Variants in FAM53A observed in about 807,000 individuals in gnomAD.
FAM53A encodes protein FAM53A.
Under a neutral mutation model 26.6 loss-of-function variants are expected in FAM53A, and 28 were observed. The ratio of observed to expected loss-of-function variants is 1.05; its 90% CI spans 0.78 to 1.45. FAM53A has a LOEUF of 1.45. Ranked by LOEUF, FAM53A falls within the 40% of genes most tolerant of loss-of-function variation. The probability of loss-of-function intolerance (pLI) is 0.00; values close to 1 mark genes in which losing one functional copy is unlikely to be tolerated. For synonymous variants in FAM53A, 290 were observed against 253.1 expected (o/e 1.15, Z -1.38); for missense variants, 650 against 575.8 (o/e 1.13, Z -1.32).
downstream of FAM53A, among the ~76,000 whole-genome samples, chr4:1,637,668 T>C (rs1377266569): frequency 1.3e-5 from 2 of 151,086 alleles, no homozygotes; most frequent in Non-Finnish European, 3.0e-5. Flanking sequence ...GGTGGGCCAC[T>C]GCAGCAGTGC....
intron 2 of FAM53A, among the ~76,000 whole-genome samples, chr4:1,658,433 T>C (rs1170802646): frequency 1.3e-5 from 2 of 152,202 alleles, no homozygotes; most frequent in African/African-American, 4.8e-5. Flanking sequence ...CCTCACCACT[T>C]ACTTACTTTT....
At position 1,677,402 on chromosome 4, in the gene FAM53A, C is replaced by A. The variant is rs534542230; in HGVS notation, c.-165+6831G>T. On this transcript the variant is annotated intron_variant, in intron 1 of 4. Coordinates refer to ENST00000308132, the MANE Select transcript of FAM53A (RefSeq NM_001174070.3). Reference sequence around the variant, plus strand: ...GGATCTATCCTCCGCTCCTCCAACCCTTCCAATGACGTGTGTATGCTTCAC... The same window carrying A: ...GGATCTATCCTCCGCTCCTCCAACCATTCCAATGACGTGTGTATGCTTCAC... Among the ~76,000 whole-genome samples the A allele has an allele frequency of 9.8e-4, 149 of 152,332 alleles. 4 individuals are homozygous for A. The South Asian group carries it at 0.017, about 17-fold the overall frequency.
downstream of FAM53A, among the ~76,000 whole-genome samples, chr4:1,616,319 C>T (rs560952711): frequency 2.0e-5 from 3 of 152,226 alleles, no homozygotes; most frequent in African/African-American, 4.8e-5. Context: ...CAGGTCCCCA[C>T]GGCCAAGGTT....
the FAM53A span, among the ~76,000 whole-genome samples, chr4:1,607,291 T>A: frequency 6.6e-6 from 1 of 152,088 alleles, no homozygotes; most frequent in Middle Eastern, 3.4e-3. Flanking sequence ...AGTGCTGGGA[T>A]TACAGGTGTG....
chr4:1,621,691 G>A (rs1253037731), intron 1 of FAM53A, among the ~76,000 whole-genome samples: 1 of 152,246 alleles, frequency 6.6e-6, no homozygotes, highest in Non-Finnish European at 1.5e-5. Flanking sequence ...CCCCATCCAA[G>A]GCTGTCACAA....
chr4:1,579,258 C>T, the FAM53A span, among the ~76,000 whole-genome samples: 2 of 151,184 alleles, frequency 1.3e-5, no homozygotes, highest in African/African-American at 4.9e-5. Flanking sequence ...CCCCGGCCCC[C>T]GGCCCCGCCC....
chr4:1,657,919 A>G (rs1011795593), intron 2 of FAM53A, among the ~76,000 whole-genome samples: 5 of 151,186 alleles, frequency 3.3e-5, no homozygotes, highest in Admixed American at 6.6e-5. Context: ...AATTACAGGC[A>G]TGAGCCACCA....
chr4:1,655,941 G>T (rs1442556289), intron 3 of FAM53A, among the ~76,000 whole-genome samples: 2 of 152,246 alleles, frequency 1.3e-5, no homozygotes, highest in East Asian at 3.9e-4. Context: ...TTCTTAAAGG[G>T]GACACCGTGT....
Position 1,668,802 on chromosome 4 carries a change from T to G in FAM53A, c.-61A>C, listed in dbSNP as rs1714429807. On this transcript the variant is annotated 5_prime_UTR_variant, in exon 2 of 5. Coordinates refer to ENST00000308132, the MANE Select transcript of FAM53A (RefSeq NM_001174070.3). ...GCACTGGAGTCCTGGAACATCAGAC[T>G]TGCGAAGGCCCCAGCATTGCTGGGT... The G allele has an allele frequency of 1.9e-6, 3 of 1,541,130 alleles. No homozygotes were observed. Among genetic ancestry groups the G allele is most frequent in the Admixed American group, 3.4e-5 (2 of 58,966 alleles).
the FAM53A span, among the ~76,000 whole-genome samples, chr4:1,585,935 C>T: frequency 6.6e-6 from 1 of 152,082 alleles, no homozygotes; most frequent in African/African-American, 2.4e-5. Flanking sequence ...CAGGGTTTCA[C>T]CATGTTGCTT....
At chr4:1,629,379 G>C (rs755210574) in intron 1 of FAM53A, among the ~76,000 whole-genome samples, 1 of 152,210 alleles carries the variant, frequency 6.6e-6, no homozygotes, top group South Asian at 2.1e-4. Context: ...AGCTGGGCCC[G>C]CCAGGGAAAG....
At chr4:1,670,291 C>A (rs977265755) in intron 1 of FAM53A, among the ~76,000 whole-genome samples, 11 of 152,282 alleles carry the variant, frequency 7.2e-5, no homozygotes, top group African/African-American at 1.7e-4. Context: ...CAGAAACCAA[C>A]ATGCACTTCC....
chr4:1,633,399 A>C lies in FAM53A; in HGVS notation c.432-15288T>G, dbSNP rs564523817. ...AGAGACGATTTTATAATTATATGGA[A>C]AGAGAAATTGCAGGTCCACGAAGCC... is the stretch of plus-strand genomic sequence containing the variant. On this transcript the variant is annotated intron_variant, in intron 1 of 1. Coordinates refer to the FAM53A transcript ENST00000489029. 5.9e-5 allele frequency among the ~76,000 whole-genome samples: 9 copies of C among 152,326 alleles called. No homozygotes were observed. In the East Asian group the frequency reaches 1.7e-3, roughly 29 times the overall value.
At chr4:1,622,707 T>A (rs1469499210) in intron 1 of FAM53A, among the ~76,000 whole-genome samples, 1 of 152,104 alleles carries the variant, frequency 6.6e-6, no homozygotes. Flanking sequence ...ACAGCGGCTG[T>A]TTGGCTGGGC....
At chr4:1,654,277 C>T (rs115436832) in intron 4 of FAM53A, among the ~76,000 whole-genome samples, 1,637 of 152,306 alleles carry the variant, frequency 0.011, 16 homozygotes, top group Non-Finnish European at 0.015. Context: ...CGAGCGCTGC[C>T]GGGCCCCCAG....
At chr4:1,577,441 GCTACT>G in the FAM53A span, among the ~76,000 whole-genome samples, 16 of 152,200 alleles carry the variant, frequency 1.1e-4, no homozygotes, top group African/African-American at 3.6e-4. Context: ...TGGTAGGGGG[GCTACT>G]GCCTGCTGGT....
chr4:1,658,578 C>G (rs1713590404), intron 2 of FAM53A, among the ~76,000 whole-genome samples: 1 of 152,240 alleles, frequency 6.6e-6, no homozygotes, highest in Non-Finnish European at 1.5e-5. Flanking sequence ...GGGTCTCCCT[C>G]CCTGGAAGCA....
the FAM53A span, among the ~76,000 whole-genome samples, chr4:1,586,789 AAAAAAAAAAG>A: frequency 1.3e-5 from 2 of 150,872 alleles, no homozygotes; most frequent in Admixed American, 1.3e-4. Flanking sequence ...TCTCAAAAAA[AAAAAAAAAAG>A]AAGAAGAAGT....
chr4:1,655,050 G>A lies in FAM53A; in HGVS notation c.810C>T (p.Ser270=), dbSNP rs1199419418. 1.3e-6 allele frequency: 2 copies of A among 1,590,104 alleles called. No homozygotes were observed. The highest frequency in any genetic ancestry group is 1.7e-5 in the Admixed American group (1 of 57,346). The part of the protein sequence containing the change: ...SQPCVLSGKR[S]RRKRRREEDA... The stretch of plus-strand genomic sequence containing the variant: ...CCTCCTCACGCCTCCGTTTGCGCCG[G>A]CTCCTCTTCCCACTGAGCACGCAAG... The change falls in exon 4 of 5, where the codon AGC becomes AGT. Residue 270 remains serine (S), a synonymous_variant. Coordinates refer to ENST00000308132, the MANE Select transcript of FAM53A (RefSeq NM_001174070.3).
Sources: gnomAD v4.1 joint callset for allele counts (sites outside exome capture counted in the v4.1 genomes callset) on GRCh38, gnomAD v4.1.1 for gene constraint, MANE v1.5 for transcripts, NCBI Gene and HGNC (gene_info 2026-07-23, HGNC 2026-07-21) for gene names.